The following MIDEAS variants were observed in gnomAD, a reference collection of about 807,000 sequenced individuals.
MIDEAS encodes mitotic deacetylase-associated SANT domain protein.
Under a neutral mutation model 102.7 loss-of-function variants are expected in MIDEAS, and 26 were observed. The ratio of observed to expected loss-of-function variants is 0.25; its 90% confidence interval spans 0.19 to 0.35. The LOEUF is 0.35. Ranked by LOEUF, MIDEAS falls within the 10% of genes least tolerant of loss-of-function variation. MIDEAS has a pLI of 1.00. For missense variants in MIDEAS, 1,231 were observed against 1,435.6 expected (o/e 0.86, Z 2.30); for synonymous variants, 585 against 591.0 (o/e 0.99, Z 0.15).
At position 73,783,859 on chromosome 14, in the gene MIDEAS, G is replaced by A. The variant is rs76446474; in HGVS notation, c.-248+3243C>T. On this transcript the variant is annotated intron_variant, in intron 1 of 11. Transcript: ENST00000394071. ...TAGCGTGTTCTTAAGCGACTAGAAT[G>A]CCCTCTTTAGCTGGGGGTGTTCGGC... Among the ~76,000 whole-genome samples, 97 of 152,310 alleles carry A rather than the reference G, an allele frequency of 6.4e-4. 1 individual carries two copies. In the East Asian group the frequency reaches 0.011, roughly 17 times the overall value.
At position 73,726,604 on chromosome 14, in the gene MIDEAS, C is replaced by T. The variant is rs1319364020; in HGVS notation, c.2409G>A (p.Leu803=). 1.2e-6 allele frequency: 2 copies of T among 1,613,990 alleles called. No individual in the cohort carries two copies. Among genetic ancestry groups the T allele is most frequent in the East Asian group, 2.2e-5 (1 of 44,894 alleles). ...HCLHESRGDI[L]ETLNKLLLKK... is the part of the protein sequence containing the mutation. ...CCCTCTGCTGGGGTTGCCTTCTCACCAGGATGTCTCCTCTGGATTCGTGCA... is the reference window on the plus strand; with the variant it reads ...CCCTCTGCTGGGGTTGCCTTCTCACTAGGATGTCTCCTCTGGATTCGTGCA... Residue 803 remains leucine, a splice_region_variant and synonymous_variant, in exon 7 of 13, where the codon CTG becomes CTA. Transcript: ENST00000423556.
intron 1 of MIDEAS, among the ~76,000 whole-genome samples, chr14:73,756,302 G>GCGCA (rs754733497): frequency 1.2e-4 from 13 of 104,626 alleles, no homozygotes; most frequent in African/African-American, 3.8e-4. Context: ...GTGTGCGCGC[G>GCGCA]CGCGTGCGCG....
At chr14:73,786,137 T>C (rs1221916510) in intron 1 of MIDEAS, among the ~76,000 whole-genome samples, 1 of 152,196 alleles carries the variant, frequency 6.6e-6, no homozygotes, top group Non-Finnish European at 1.5e-5. Flanking sequence ...TCGGACGCAC[T>C]TTCCTGCACA....
At chr14:73,770,135 T>C (rs1402074502) in intron 1 of MIDEAS, among the ~76,000 whole-genome samples, 1 of 151,912 alleles carries the variant, frequency 6.6e-6, no homozygotes, top group Non-Finnish European at 1.5e-5. Flanking sequence ...GAATGAAATA[T>C]GAAAGGATGG....
rs766538579 is a variant in MIDEAS, at chr14:73,721,336, C to T, written c.2898G>A (p.Ala966=). The change falls in exon 11 of 13, where the codon GCG becomes GCA. Residue 966 remains alanine (A), a synonymous_variant. Coordinates refer to ENST00000423556, the MANE Select transcript of MIDEAS (RefSeq NM_001367710.1). The stretch of plus-strand genomic sequence containing the variant: ...GTAGTGTCTGCGTGGCTTTGACTGC[C>T]GCTGCCCGCCTGCTGCGCTCTCGCC... ...EEGRERSRRA[A]AVKATQTLQA... is the part of the protein sequence containing the mutation. 3.5e-5 allele frequency: 57 copies of T among 1,613,786 alleles called. No homozygotes were observed. Among genetic ancestry groups the T allele is most frequent in the Middle Eastern group, 3.3e-4 (2 of 6,084 alleles).
chr14:73,770,931 T>G (rs1177411411), intron 1 of MIDEAS, among the ~76,000 whole-genome samples: 1 of 152,154 alleles, frequency 6.6e-6, no homozygotes, highest in Non-Finnish European at 1.5e-5. Flanking sequence ...GCACTTAATA[T>G]TCACATGACC....
intron 1 of MIDEAS, among the ~76,000 whole-genome samples, chr14:73,757,837 G>A (rs1383867874): frequency 6.6e-6 from 1 of 152,214 alleles, no homozygotes; most frequent in Non-Finnish European, 1.5e-5. Context: ...GCAGCACACA[G>A]GGTCAAACAC....
At position 73,721,469 on chromosome 14, in the gene MIDEAS, T is replaced by A; in HGVS notation, c.2765A>T (p.Glu922Val). The change falls in exon 11 of 13, where the codon GAG becomes GTG. Residue 922 changes from glutamate (E) to valine (V), a missense_variant. Physicochemically the swap from Glu to Val is moderately radical, Grantham distance 121 (BLOSUM62 -2). Coordinates refer to ENST00000423556, the MANE Select transcript of MIDEAS (RefSeq NM_001367710.1). Reference sequence around the variant, plus strand: ...CTCCAGCCTCTCTTCACTTGGGGACTCTCTTCTGGGAAGAGGCACCCTTGG... The same window carrying A: ...CTCCAGCCTCTCTTCACTTGGGGACACTCTTCTGGGAAGAGGCACCCTTGG... ...KFPRVPLPRR[E>V]SPSEERLEPK... The A allele has an allele frequency of 1.2e-6, 2 of 1,614,132 alleles. No homozygotes were observed. The highest frequency in any genetic ancestry group is 1.7e-6 in the Non-Finnish European group (2 of 1,180,024).
At position 73,730,021 on chromosome 14, in the gene MIDEAS, C is replaced by G. The variant is rs185530048; in HGVS notation, c.1750-36G>C. 5.0e-6 allele frequency: 8 copies of G among 1,598,490 alleles called. 1 individual carries two copies. In the Admixed American group the frequency reaches 8.4e-5, roughly 17 times the overall value. Reference sequence around the variant, plus strand: ...AAAGAAAACAAGGACGGCTCAGCCCCCCGTGTCCCAGAGAAAGTAAAGTCT... The same window carrying G: ...AAAGAAAACAAGGACGGCTCAGCCCGCCGTGTCCCAGAGAAAGTAAAGTCT... On this transcript the variant is annotated intron_variant, in intron 3 of 12. Coordinates refer to ENST00000423556, the MANE Select transcript of MIDEAS (RefSeq NM_001367710.1).
At chr14:73,762,038 C>G (rs1361895739), upstream of MIDEAS, among the ~76,000 whole-genome samples, 1 of 152,212 alleles carries the variant, frequency 6.6e-6, no homozygotes, top group African/African-American at 2.4e-5. Flanking sequence ...CTCCCACTGA[C>G]AACACATCCA....
At chr14:73,764,683 T>C (rs2053580222), upstream of MIDEAS, among the ~76,000 whole-genome samples, 1 of 152,196 alleles carries the variant, frequency 6.6e-6, no homozygotes, top group South Asian at 2.1e-4. Flanking sequence ...CACTGTGTGC[T>C]GAGATGTCTC....
chr14:73,750,916 C>T (rs1274323838), intron 1 of MIDEAS, among the ~76,000 whole-genome samples: 1 of 152,248 alleles, frequency 6.6e-6, no homozygotes, highest in Non-Finnish European at 1.5e-5. Flanking sequence ...TTCATCAATA[C>T]CTCCAAAATT....
intron 1 of MIDEAS, among the ~76,000 whole-genome samples, chr14:73,758,140 C>T (rs1160222720): frequency 6.6e-6 from 1 of 152,172 alleles, no homozygotes. Context: ...TGGACCAGGG[C>T]CATGCAACGA....
chr14:73,776,687 C>T (rs77179389), intron 1 of MIDEAS, among the ~76,000 whole-genome samples: 5,467 of 151,988 alleles, frequency 0.036, 338 homozygotes, highest in African/African-American at 0.12. Flanking sequence ...CATATGCAGC[C>T]CTCCCCTGGT....
At chr14:73,719,223 C>T (rs1447804412) in intron 12 of MIDEAS, 82 bp downstream of exon 12, 6 of 1,205,078 alleles carry the variant, frequency 5.0e-6, no homozygotes, top group African/African-American at 1.6e-5. Flanking sequence ...TGTACCTCTT[C>T]CCCCTCCCCT....
rs747546599 is a variant in MIDEAS at position 73,739,017 on chromosome 14, G to A, written c.992C>T (p.Pro331Leu). The A allele has an allele frequency of 2.8e-5, 43 of 1,540,994 alleles. No individual in the cohort carries two copies. The highest frequency in any genetic ancestry group is 3.6e-5 in the Non-Finnish European group (41 of 1,143,022). ...LRKALLQDSA[P>L]QPALPQVQIP... The stretch of plus-strand genomic sequence containing the variant: ...CTGGACCTGAGGTAGCGCTGGCTGC[G>A]GGGCTGAGTCCTGCAGAAGGGCCTT... Residue 331 changes from proline to leucine, a missense_variant, in exon 2 of 13, where the codon CCG (proline) becomes CTG (leucine). This residue lies in a region of MIDEAS where 758 missense variants were observed against 856.0 expected (regional missense o/e 0.89). Coordinates refer to ENST00000423556, the MANE Select transcript of MIDEAS (RefSeq NM_001367710.1).
chr14:73,722,890 C>T (rs762500821), intron 9 of MIDEAS, 43 bp from the exon 10 acceptor site: 11 of 1,602,306 alleles, frequency 6.9e-6, no homozygotes, highest in Non-Finnish European at 9.4e-6. Flanking sequence ...TCTGGTTTGG[C>T]TCATCTGCCT....
At chr14:73,761,083 AGTGGTGGTGGTGGCGGCGGCG>A (rs2053550518), upstream of MIDEAS, among the ~76,000 whole-genome samples, 1 of 151,832 alleles carries the variant, frequency 6.6e-6, no homozygotes, top group Non-Finnish European at 1.5e-5. Context: ...GTGGTGGTGC[AGTGGTGGTGGTGGCGGCGGCG>A]GTGGTGGCGG....
intron 1 of MIDEAS, among the ~76,000 whole-genome samples, chr14:73,756,277 T>TGC (rs1453925050): frequency 1.8e-4 from 16 of 87,486 alleles, no homozygotes; most frequent in Non-Finnish European, 3.0e-4. Context: ...AGTGTGTGTG[T>TGC]GTGTGTGTGT....
Sources: allele counts gnomAD v4.1 joint callset (sites outside exome capture counted in the v4.1 genomes callset), GRCh38; gene constraint gnomAD v4.1.1; regional missense constraint gnomAD v4.1.1; transcripts MANE v1.5; gene names NCBI Gene and HGNC (gene_info 2026-07-23, HGNC 2026-07-21).